FOXK1: variants seen among roughly 807,000 people sequenced by gnomAD.
FOXK1 encodes the protein forkhead box K1, also known as forkhead box protein K1.
FOXK1 carries 19 observed loss-of-function variants against 51.9 expected under a neutral mutation model. That is an observed-to-expected ratio of 0.37 (90% CI 0.26 to 0.54). The LOEUF is 0.54. Ranked by LOEUF, FOXK1 falls within the 20% of genes least tolerant of loss-of-function variation. FOXK1 has a pLI of 0.87. For synonymous variants in FOXK1, 537 were observed against 482.6 expected, an observed-to-expected ratio of 1.11 and a Z score of -1.48; for missense variants, 870 against 1,032.7, an observed-to-expected ratio of 0.84 and a Z score of 2.16.
intron 1 of FOXK1, among the ~76,000 whole-genome samples, chr7:4,695,253 A>G (rs140294027): frequency 6.6e-6 from 1 of 152,346 alleles, no homozygotes; most frequent in Non-Finnish European, 1.5e-5. Flanking sequence ...TGGAGTCCAT[A>G]TTAACCAGGG....
chr7:4,713,834 C>A (rs1780204494), intron 1 of FOXK1, among the ~76,000 whole-genome samples: 1 of 150,116 alleles, frequency 6.7e-6, no homozygotes, highest in Non-Finnish European at 1.5e-5. Context: ...TTTTTCTTTT[C>A]TTTTTTTGGA....
chr7:4,693,327 T>A (rs1779916752), intron 1 of FOXK1, among the ~76,000 whole-genome samples: 1 of 152,238 alleles, frequency 6.6e-6, no homozygotes, highest in Non-Finnish European at 1.5e-5. Context: ...AGTTAATTTT[T>A]AAAGCTGTTT....
In FOXK1 at chr7:4,730,365, G is replaced by T. The variant is rs370913244; in HGVS notation, c.561-10473G>T. Among the ~76,000 whole-genome samples the T allele has an allele frequency of 9.5e-4, 144 of 152,336 alleles. 1 individual carries two copies. Among genetic ancestry groups the T allele is most frequent in the African/African-American group, 3.3e-3 (139 of 41,592 alleles). On this transcript the variant is annotated intron_variant, in intron 1 of 8. Coordinates refer to ENST00000328914, the MANE Select transcript of FOXK1 (RefSeq NM_001037165.2). This position sits in a 1 kb window ranked among gnomAD's most constrained non-coding sequence, Gnocchi z 4.7. ...GTGTCTCTGACCACCCTGCTACCCAGCTTGCCACCGCTGTCAGCCGTGGGG... is the reference window on the plus strand; with the variant it reads ...GTGTCTCTGACCACCCTGCTACCCATCTTGCCACCGCTGTCAGCCGTGGGG...
chr7:4,717,679 C>T (rs1780254111), intron 1 of FOXK1, among the ~76,000 whole-genome samples: 1 of 152,164 alleles, frequency 6.6e-6, no homozygotes, highest in Non-Finnish European at 1.5e-5. Flanking sequence ...GACCTCACTG[C>T]CCGCCTGGTC....
chr7:4,708,943 T>C (rs1447603964), intron 1 of FOXK1, among the ~76,000 whole-genome samples: 2 of 151,880 alleles, frequency 1.3e-5, no homozygotes, highest in Non-Finnish European at 1.5e-5. Flanking sequence ...CGTGTGCCTG[T>C]AGTCCCAGCT....
In FOXK1 at chr7:4,747,283, T is replaced by C. The variant is rs905049483; in HGVS notation, c.746+6260T>C. On this transcript the variant is annotated intron_variant, in intron 2 of 8. Coordinates refer to ENST00000328914, the MANE Select transcript of FOXK1 (RefSeq NM_001037165.2). The surrounding 1 kb of genome is among the most constrained non-coding windows in gnomAD (Gnocchi z 9.2). ...CAGCCCTTTCCGGGTTCCATGAGCC[T>C]CAGGGGAAGCAGGAGGCGCCTGCAG... is the stretch of plus-strand genomic sequence containing the variant. Among the ~76,000 whole-genome samples, 2 of 152,046 alleles carry C rather than the reference T, an allele frequency of 1.3e-5. No homozygotes were observed. The highest frequency in any genetic ancestry group is 4.1e-4 in the South Asian group (2 of 4,828).
At chr7:4,750,995 G>A (rs1365897303) in intron 2 of FOXK1, among the ~76,000 whole-genome samples, 2 of 149,410 alleles carry the variant, frequency 1.3e-5, no homozygotes, top group African/African-American at 5.0e-5. Flanking sequence ...GTGAGCCACC[G>A]TGCCTGGCCT....
intron 2 of FOXK1, among the ~76,000 whole-genome samples, chr7:4,742,416 G>C (rs1187151490): frequency 6.6e-6 from 1 of 152,058 alleles, no homozygotes; most frequent in African/African-American, 2.4e-5. Flanking sequence ...GAGAAGAAAG[G>C]GCTTTTGTTT....
chr7:4,709,174 C>G lies in FOXK1; in HGVS notation c.560+26306C>G, dbSNP rs1373056933. On this transcript the variant is annotated intron_variant, in intron 1 of 8. Transcript: ENST00000328914. The surrounding 1 kb of genome is among the most constrained non-coding windows in gnomAD (Gnocchi z 5.6). ...CCTCGCCTAGCTGTTGCTGTGCACA[C>G]TGGGGGCCCGAGGCCCCAGGATACC... 6.6e-6 allele frequency among the ~76,000 whole-genome samples: 1 copy of G among 152,158 alleles called. No homozygotes were observed. The highest frequency in any genetic ancestry group is 2.4e-5 in the African/African-American group (1 of 41,436).
Position 4,683,049 on chromosome 7 carries a change from G to T in FOXK1, c.560+181G>T, listed in dbSNP as rs921325624. On this transcript the variant is annotated intron_variant, in intron 1 of 8. Transcript: ENST00000328914. The surrounding 1 kb of genome is among the most constrained non-coding windows in gnomAD (Gnocchi z 4.5). ...GGTCAACCCCGACCCCCGCCTCCTGGCTCCCTAGGATCACCCCGACCCCGA... is the reference window on the plus strand; with the variant it reads ...GGTCAACCCCGACCCCCGCCTCCTGTCTCCCTAGGATCACCCCGACCCCGA... Among the ~76,000 whole-genome samples the T allele has an allele frequency of 7.0e-6, 1 of 143,062 alleles. No individual in the cohort carries two copies. The highest frequency in any genetic ancestry group is 2.6e-5 in the African/African-American group (1 of 37,908). 93.9% of individuals were successfully genotyped at this position (143,062 alleles called of 152,430 possible).
At chr7:4,741,939 A>T (rs1583204876) in intron 2 of FOXK1, among the ~76,000 whole-genome samples, 1 of 152,266 alleles carries the variant, frequency 6.6e-6, no homozygotes, top group African/African-American at 2.4e-5. Flanking sequence ...ACAGGGATGC[A>T]AAAACAGACG....
Position 4,683,952 on chromosome 7 carries a change from C to T in FOXK1, c.560+1084C>T, listed in dbSNP as rs183385663. ...TGCTCCTTGGATGGAGTAGCGGGACCCCAAGATCAAATTAGATTCCCCCGG... is the reference window on the plus strand; with the variant it reads ...TGCTCCTTGGATGGAGTAGCGGGACTCCAAGATCAAATTAGATTCCCCCGG... On this transcript the variant is annotated intron_variant, in intron 1 of 8. Transcript: ENST00000328914. The surrounding 1 kb of genome is among the most constrained non-coding windows in gnomAD (Gnocchi z 4.5). Among the ~76,000 whole-genome samples the T allele has an allele frequency of 4.6e-5, 7 of 152,244 alleles. No individual in the cohort carries two copies. In the East Asian group the frequency reaches 1.4e-3, roughly 29 times the overall value.
rs1196036927 is a variant in FOXK1, at chr7:4,730,895, G to A, written c.561-9943G>A. On this transcript the variant is annotated intron_variant, in intron 1 of 8. Transcript: ENST00000328914. The surrounding 1 kb of genome is among the most constrained non-coding windows in gnomAD (Gnocchi z 4.7). Reference sequence around the variant, plus strand: ...AAAACCATTTCCTGAGGATGGGCGCGGTGGCTCACTCCTGCAATCCCAGCA... The same window carrying A: ...AAAACCATTTCCTGAGGATGGGCGCAGTGGCTCACTCCTGCAATCCCAGCA... Among the ~76,000 whole-genome samples the A allele has an allele frequency of 1.3e-5, 2 of 152,152 alleles. No homozygotes were observed. Among genetic ancestry groups the A allele is most frequent in the Non-Finnish European group, 2.9e-5 (2 of 68,040 alleles).
In FOXK1 at chr7:4,706,026, G is replaced by GTA. The variant is rs1217251179; in HGVS notation, c.560+23163_560+23164dup. Among the ~76,000 whole-genome samples the GTA allele has an allele frequency of 1.0e-3, 77 of 74,386 alleles. 1 individual carries two copies. Among genetic ancestry groups the GTA allele is most frequent in the African/African-American group, 7.7e-3 (65 of 8,420 alleles). The allele number at this position is 74,386 out of a possible 152,430, so 48.8% of individuals were successfully genotyped here. On this transcript the variant is annotated intron_variant, in intron 1 of 8. Coordinates refer to ENST00000328914, the MANE Select transcript of FOXK1 (RefSeq NM_001037165.2). The stretch of plus-strand genomic sequence containing the variant: ...TACGTATATATACGTATATATACGT[G>GTA]TATATACGTGTATATACGTGTATAT...
Position 4,715,211 on chromosome 7 carries a change from G to A in FOXK1, c.561-25627G>A, listed in dbSNP as rs1403036601. ...GTGGAACTGTGGCGATACGGGGCAC[G>A]GTGGAACTGTGATGATATCGGGCAT... On this transcript the variant is annotated intron_variant, in intron 1 of 8. Transcript: ENST00000328914. The surrounding 1 kb of genome is among the most constrained non-coding windows in gnomAD (Gnocchi z 4.5). Among the ~76,000 whole-genome samples, 1 of 152,196 alleles carries A rather than the reference G, an allele frequency of 6.6e-6. No individual in the cohort carries two copies. Among genetic ancestry groups the A allele is most frequent in the African/African-American group, 2.4e-5 (1 of 41,442 alleles).
At chr7:4,690,082 G>A (rs1188632790) in intron 1 of FOXK1, among the ~76,000 whole-genome samples, 1 of 152,234 alleles carries the variant, frequency 6.6e-6, no homozygotes, top group Non-Finnish European at 1.5e-5. Context: ...GGGAGGGTTG[G>A]TCTGTTAGTG....
chr7:4,699,422 G>A (rs777645003), intron 1 of FOXK1, among the ~76,000 whole-genome samples: 2 of 150,808 alleles, frequency 1.3e-5, no homozygotes, highest in African/African-American at 2.4e-5. Flanking sequence ...AGGCCGGAGT[G>A]CAGTGACACG....
rs1272334439 is a variant in FOXK1, at chr7:4,723,506, C to T, written c.561-17332C>T. ...AGACTAAAAATAGCAAATGCAGCCC[C>T]GAGCCTTCCTGTTGCCTCTAGGGCC... is the stretch of plus-strand genomic sequence containing the variant. On this transcript the variant is annotated intron_variant, in intron 1 of 8. Coordinates refer to ENST00000328914, the MANE Select transcript of FOXK1 (RefSeq NM_001037165.2). This position sits in a 1 kb window ranked among gnomAD's most constrained non-coding sequence, Gnocchi z 4.7. Among the ~76,000 whole-genome samples the T allele has an allele frequency of 2.0e-5, 3 of 152,028 alleles. No homozygotes were observed. The highest frequency in any genetic ancestry group is 6.6e-5 in the Admixed American group (1 of 15,252).
In FOXK1 at chr7:4,745,904, G is replaced by T. The variant is rs1352825344; in HGVS notation, c.746+4881G>T. On this transcript the variant is annotated intron_variant, in intron 2 of 8. Transcript: ENST00000328914. This position sits in a 1 kb window ranked among gnomAD's most constrained non-coding sequence, Gnocchi z 4.3. ...CATCTCAAAAAAAAAAGTGTTTTTA[G>T]GAAGGAATTAAAGTATTTAATGAAA... 6.6e-6 allele frequency among the ~76,000 whole-genome samples: 1 copy of T among 151,992 alleles called. No homozygotes were observed. The highest frequency in any genetic ancestry group is 6.6e-5 in the Admixed American group (1 of 15,250).
Sources: allele counts gnomAD v4.1 joint callset (sites outside exome capture counted in the v4.1 genomes callset), GRCh38; gene constraint gnomAD v4.1.1; non-coding constraint Gnocchi (gnomAD v3.1); transcripts MANE v1.5; gene names NCBI Gene and HGNC (gene_info 2026-07-23, HGNC 2026-07-21).